SCHIP1: variants seen among roughly 807,000 people sequenced by gnomAD.
The protein encoded by SCHIP1 is schwannomin interacting protein 1.
Under a neutral mutation model 29.7 loss-of-function variants are expected in SCHIP1, and 8 were observed. The ratio of observed to expected loss-of-function variants is 0.27; its 90% CI spans 0.16 to 0.49. SCHIP1 has a LOEUF of 0.49. SCHIP1 is among the 20% of genes least tolerant of loss of function. The pLI, the probability that SCHIP1 is intolerant of heterozygous loss-of-function variation, is 0.99. For missense variants in SCHIP1, 193 were observed against 294.6 expected (o/e 0.66, Z 2.52); for synonymous variants, 76 against 94.9 (o/e 0.80, Z 1.16).
chr3:159,672,200 TATC>T, the SCHIP1 span, among the ~76,000 whole-genome samples: 1 of 152,260 alleles, frequency 6.6e-6, no homozygotes, highest in South Asian at 2.1e-4. Flanking sequence ...GCTGCTGGCT[TATC>T]ATTCTTCACA....
the SCHIP1 span, among the ~76,000 whole-genome samples, chr3:159,570,767 G>A: frequency 3.8e-4 from 58 of 152,156 alleles, no homozygotes; most frequent in East Asian, 7.5e-3. Flanking sequence ...TTGATTCTTC[G>A]TATCCATGAG....
the SCHIP1 span, among the ~76,000 whole-genome samples, chr3:159,359,802 C>G: frequency 0.11 from 16,752 of 152,100 alleles, 2,823 homozygotes; most frequent in African/African-American, 0.36. Flanking sequence ...GGGCTGAATG[C>G]TACTCTAAGA....
chr3:159,284,268 T>C, the SCHIP1 span, among the ~76,000 whole-genome samples: 1 of 152,196 alleles, frequency 6.6e-6, no homozygotes. Flanking sequence ...TAAATTCTGC[T>C]ACTTACTTTC....
At chr3:159,446,276 CA>C in the SCHIP1 span, among the ~76,000 whole-genome samples, 3 of 151,948 alleles carry the variant, frequency 2.0e-5, no homozygotes, top group Non-Finnish European at 4.4e-5. Context: ...ATCTCTCAGG[CA>C]ATAAACATCT....
the SCHIP1 span, among the ~76,000 whole-genome samples, chr3:159,819,585 G>A: frequency 6.6e-6 from 1 of 152,172 alleles, no homozygotes; most frequent in Admixed American, 6.5e-5. Flanking sequence ...TCACTTGCAT[G>A]TTCTGGTCAC....
At chr3:159,610,097 C>T in the SCHIP1 span, among the ~76,000 whole-genome samples, 1 of 152,300 alleles carries the variant, frequency 6.6e-6, no homozygotes, top group East Asian at 1.9e-4. Flanking sequence ...GAATCCCATG[C>T]TCAGACAGAT....
At chr3:159,312,006 C>T in the SCHIP1 span, among the ~76,000 whole-genome samples, 34 of 152,190 alleles carry the variant, frequency 2.2e-4, no homozygotes, top group Non-Finnish European at 3.8e-4. Flanking sequence ...TACAATAAAA[C>T]CATAGCCTAG....
chr3:159,396,226 G>T, the SCHIP1 span, among the ~76,000 whole-genome samples: 48 of 151,444 alleles, frequency 3.2e-4, 2 homozygotes, highest in South Asian at 6.9e-3. Context: ...CTGCACTTGA[G>T]ATGGGTTTCC....
chr3:159,527,582 TA>T, the SCHIP1 span, among the ~76,000 whole-genome samples: 1 of 152,264 alleles, frequency 6.6e-6, no homozygotes, highest in South Asian at 2.1e-4. Context: ...ACCTATTTTA[TA>T]AGACTATTAG....
chr3:159,379,693 T>G, the SCHIP1 span, among the ~76,000 whole-genome samples: 2 of 152,208 alleles, frequency 1.3e-5, no homozygotes, highest in African/African-American at 4.8e-5. Context: ...ATTATTCTTC[T>G]AACTCAGAGT....
chr3:159,469,630 T>C, the SCHIP1 span, among the ~76,000 whole-genome samples: 2 of 152,164 alleles, frequency 1.3e-5, no homozygotes, highest in African/African-American at 4.8e-5. Flanking sequence ...AACAGGGATA[T>C]TGGGGAGAAC....
At chr3:159,780,056 G>A in the SCHIP1 span, among the ~76,000 whole-genome samples, 4 of 152,064 alleles carry the variant, frequency 2.6e-5, no homozygotes, top group South Asian at 2.1e-4. Context: ...TACCTCTTCC[G>A]CGTCATGTGT....
chr3:159,678,920 G>A, the SCHIP1 span, among the ~76,000 whole-genome samples: 3 of 152,118 alleles, frequency 2.0e-5, no homozygotes, highest in African/African-American at 2.4e-5. Flanking sequence ...AGAGAATATC[G>A]CCCTTTGATT....
At chr3:159,438,308 T>C in the SCHIP1 span, among the ~76,000 whole-genome samples, 1 of 152,062 alleles carries the variant, frequency 6.6e-6, no homozygotes, top group African/African-American at 2.4e-5. Context: ...GTTGAGAAGC[T>C]CTGATCACAT....
At chr3:159,273,840 G>A in the SCHIP1 span, 8 of 1,613,450 alleles carry the variant, frequency 5.0e-6, no homozygotes, top group African/African-American at 2.7e-5. Context: ...TCCGGGCAGC[G>A]TGTTACAACG....
the SCHIP1 span, among the ~76,000 whole-genome samples, chr3:159,627,046 C>T: frequency 1.1e-4 from 16 of 152,256 alleles, no homozygotes; most frequent in Admixed American, 2.0e-4. Flanking sequence ...CCCACCCCGA[C>T]GGGCCCCGGT....
the SCHIP1 span, among the ~76,000 whole-genome samples, chr3:159,479,047 C>T: frequency 6.6e-6 from 1 of 152,046 alleles, no homozygotes; most frequent in Non-Finnish European, 1.5e-5. Flanking sequence ...AATGTCTTTT[C>T]TCTTGCCTAA....
chr3:159,824,803 G>A, the SCHIP1 span, among the ~76,000 whole-genome samples: 44 of 152,306 alleles, frequency 2.9e-4, no homozygotes, highest in Non-Finnish European at 5.6e-4. Flanking sequence ...TTTGGAAAGC[G>A]ACAGCCTAAA....
chr3:159,663,163 A>G, the SCHIP1 span, among the ~76,000 whole-genome samples: 2 of 152,196 alleles, frequency 1.3e-5, no homozygotes, highest in African/African-American at 2.4e-5. Context: ...CTCCAGGAAC[A>G]TGTATAGCTC....
Sources: gnomAD v4.1 joint callset for allele counts (sites outside exome capture counted in the v4.1 genomes callset) on GRCh38, gnomAD v4.1.1 for gene constraint, MANE v1.5 for transcripts, NCBI Gene and HGNC (gene_info 2026-07-23, HGNC 2026-07-21) for gene names.